The following SNX29 variants were observed in gnomAD, a reference collection of about 807,000 sequenced individuals.
The protein encoded by SNX29 is sorting nexin-29.
Under a neutral mutation model 102.1 loss-of-function variants are expected in SNX29, and 78 were observed. That is an observed-to-expected ratio of 0.76 (90% CI 0.64 to 0.92). SNX29 has a LOEUF of 0.92. SNX29 is among the 40% of genes least tolerant of loss of function. The pLI is 0.00. For missense variants in SNX29, 1,280 were observed against 1,061.7 expected (o/e 1.21, Z -2.86); for synonymous variants, 580 against 414.5 (o/e 1.40, Z -4.85).
intron 20 of SNX29, among the ~76,000 whole-genome samples, chr16:12,562,084 G>A (rs757984253): frequency 1.3e-5 from 2 of 152,156 alleles, no homozygotes; most frequent in South Asian, 2.1e-4. Context: ...CTGCCCAGTA[G>A]TTTGAACCGC....
At chr16:12,295,945 T>C (rs1443301421) in intron 15 of SNX29, among the ~76,000 whole-genome samples, 1 of 152,242 alleles carries the variant, frequency 6.6e-6, no homozygotes, top group East Asian at 1.9e-4. Context: ...AAATGAGTCT[T>C]TTAAACAGTT....
At chr16:12,543,678 C>T (rs1172432552) in intron 20 of SNX29, among the ~76,000 whole-genome samples, 3 of 152,236 alleles carry the variant, frequency 2.0e-5, no homozygotes, top group African/African-American at 7.2e-5. Context: ...CTGCATTCAA[C>T]AAGCCAGTCG....
Position 12,313,803 on chromosome 16 carries a change from A to C in SNX29, c.1782+35767A>C, listed in dbSNP as rs557736156. 2.0e-5 allele frequency among the ~76,000 whole-genome samples: 3 copies of C among 152,334 alleles called. No individual in the cohort carries two copies. The South Asian group carries it at 6.2e-4, about 32-fold the overall frequency. ...TCTGTATGTGACAGATGATCAGTAA[A>C]TTAGAGCCAATCCAGTTGAATCCTA... On this transcript the variant is annotated intron_variant, in intron 15 of 20. Coordinates refer to ENST00000566228, the MANE Select transcript of SNX29 (RefSeq NM_032167.5).
At chr16:11,995,453 G>A (rs959041019) in intron 1 of SNX29, among the ~76,000 whole-genome samples, 9 of 152,068 alleles carry the variant, frequency 5.9e-5, no homozygotes, top group African/African-American at 2.2e-4. Context: ...ACAGCTTCTT[G>A]CCTGCAGAGA....
At chr16:12,566,018 G>A (rs1041541849) in intron 20 of SNX29, among the ~76,000 whole-genome samples, 1 of 152,178 alleles carries the variant, frequency 6.6e-6, no homozygotes, top group Non-Finnish European at 1.5e-5. Flanking sequence ...AGCCCAGCAT[G>A]GTGGTGACAC....
At chr16:12,066,576 G>A (rs923521708) in intron 9 of SNX29, among the ~76,000 whole-genome samples, 15 of 152,184 alleles carry the variant, frequency 9.9e-5, no homozygotes, top group Non-Finnish European at 2.9e-5. Flanking sequence ...CTTCACGGAG[G>A]TGAGAACTGT....
At chr16:12,549,444 A>T (rs1346700101) in intron 20 of SNX29, among the ~76,000 whole-genome samples, 1 of 152,178 alleles carries the variant, frequency 6.6e-6, no homozygotes, top group Non-Finnish European at 1.5e-5. Flanking sequence ...GCAGTGACCT[A>T]AGATTGCACC....
intron 16 of SNX29, among the ~76,000 whole-genome samples, chr16:12,390,118 T>C (rs2083470427): frequency 6.6e-6 from 1 of 151,706 alleles, no homozygotes; most frequent in African/African-American, 2.4e-5. Flanking sequence ...GGCAGAGAGT[T>C]TGGCATGTTA....
At chr16:12,510,489 A>G (rs3764304) in intron 19 of SNX29, among the ~76,000 whole-genome samples, 5,506 of 152,188 alleles carry the variant, frequency 0.036, 128 homozygotes, top group East Asian at 0.068. Flanking sequence ...CCTGACCAAC[A>G]TGGCGAAACC....
chr16:12,071,179 T>C (rs1346232997), intron 10 of SNX29, among the ~76,000 whole-genome samples: 1 of 151,606 alleles, frequency 6.6e-6, no homozygotes, highest in Non-Finnish European at 1.5e-5. Flanking sequence ...TTTAATTAGA[T>C]CCCATTTGTC....
intron 13 of SNX29, among the ~76,000 whole-genome samples, chr16:12,143,702 A>T (rs1405633923): frequency 1.3e-5 from 2 of 152,216 alleles, no homozygotes; most frequent in Non-Finnish European, 2.9e-5. Flanking sequence ...GAAGTAAATT[A>T]TGCCTCCATT....
intron 4 of SNX29, among the ~76,000 whole-genome samples, chr16:12,036,476 A>G (rs1042042139): frequency 2.0e-5 from 3 of 151,930 alleles, no homozygotes; most frequent in African/African-American, 7.2e-5. Context: ...CTGGGACTAC[A>G]GGTGCCCGCC....
At chr16:12,361,931 C>A (rs2082311166) in intron 16 of SNX29, among the ~76,000 whole-genome samples, 1 of 141,806 alleles carries the variant, frequency 7.1e-6, no homozygotes, top group South Asian at 2.1e-4. Flanking sequence ...TGAGTGATGC[C>A]TCAGTACACC....
In SNX29 at chr16:12,352,963, G is replaced by A. The variant is rs182261203; in HGVS notation, c.1783-3200G>A. Among the ~76,000 whole-genome samples, 4 of 152,248 alleles carry A rather than the reference G, an allele frequency of 2.6e-5. No homozygotes were observed. The East Asian group carries it at 5.8e-4, about 22-fold the overall frequency. On this transcript the variant is annotated intron_variant, in intron 15 of 20. Transcript: ENST00000566228. Reference sequence around the variant, plus strand: ...GATGTCAGGACACAAGTGCCTGGTGGGGATATAGGCGTGGGATATAGGCGT... The same window carrying A: ...GATGTCAGGACACAAGTGCCTGGTGAGGATATAGGCGTGGGATATAGGCGT...
intron 3 of SNX29, 34 bp downstream of exon 3, chr16:12,003,077 G>C: frequency 6.2e-7 from 1 of 1,613,050 alleles, no homozygotes; most frequent in East Asian, 2.2e-5. Context: ...GTTGACCATC[G>C]AGGTTGGAAA....
At chr16:12,423,346 G>A (rs566978650) in intron 18 of SNX29, among the ~76,000 whole-genome samples, 3 of 152,212 alleles carry the variant, frequency 2.0e-5, no homozygotes, top group African/African-American at 4.8e-5. Context: ...ACTGCCTCCC[G>A]TCAACCTCAG....
intron 15 of SNX29, among the ~76,000 whole-genome samples, chr16:12,330,485 G>A (rs753337226): frequency 2.0e-5 from 3 of 152,150 alleles, no homozygotes; most frequent in Admixed American, 6.5e-5. Context: ...TAACACTCAC[G>A]CAATGCATCT....
chr16:12,523,151 C>G (rs752645638), intron 19 of SNX29, among the ~76,000 whole-genome samples: 2 of 152,150 alleles, frequency 1.3e-5, no homozygotes, highest in Non-Finnish European at 2.9e-5. Flanking sequence ...GCACGTGATG[C>G]TAGGTGGTTT....
chr16:12,390,410 A>G (rs1201682451), intron 16 of SNX29, among the ~76,000 whole-genome samples: 1 of 151,990 alleles, frequency 6.6e-6, no homozygotes, highest in Non-Finnish European at 1.5e-5. Context: ...TGGACTTTTC[A>G]CAGCCTTAAC....
Sources: allele counts gnomAD v4.1 joint callset (sites outside exome capture counted in the v4.1 genomes callset), GRCh38; gene constraint gnomAD v4.1.1; transcripts MANE v1.5; gene names NCBI Gene and HGNC (gene_info 2026-07-23, HGNC 2026-07-21).